The following METTL25 variants were observed in gnomAD, a reference collection of about 807,000 sequenced individuals.
METTL25 encodes methyltransferase like 25.
METTL25 carries 64 observed loss-of-function variants against 71.6 expected under a neutral mutation model. The observed-to-expected ratio is 0.89, with a 90% confidence interval of 0.73 to 1.10. The LOEUF (loss-of-function observed/expected upper bound fraction) is 1.10, where lower values mean the gene tolerates loss of function less well. Among genes scored for constraint, METTL25 ranks in the 50% least tolerant of loss-of-function variants. METTL25 has a pLI of 0.00. For synonymous variants in METTL25, 287 were observed against 250.3 expected (o/e 1.15, Z -1.38); for missense variants, 807 against 707.0 (o/e 1.14, Z -1.60).
intron 3 of METTL25, among the ~76,000 whole-genome samples, chr12:82,398,211 ATTTTAATTG>A (rs1179415795): frequency 4.7e-5 from 7 of 149,510 alleles, no homozygotes; most frequent in Non-Finnish European, 8.9e-5. Context: ...TTTTTATTCT[ATTTTAATTG>A]TTTTAAAATT....
intron 5 of METTL25, among the ~76,000 whole-genome samples, chr12:82,414,163 G>C (rs1443783677): frequency 6.6e-6 from 1 of 152,024 alleles, no homozygotes; most frequent in East Asian, 1.9e-4. Flanking sequence ...TGCCAGCCTT[G>C]TAGATTCAGC....
rs968362547 is a variant in METTL25 at position 82,402,984 on chromosome 12, A to T, written c.1133A>T (p.Asp378Val). 1.3e-6 allele frequency: 2 copies of T among 1,583,844 alleles called. No homozygotes were observed. Among genetic ancestry groups the T allele is most frequent in the Non-Finnish European group, 1.7e-6 (2 of 1,169,822 alleles). The change falls in exon 5 of 12, where the codon GAT becomes GTT. Residue 378 changes from aspartate (D) to valine (V), a missense_variant and splice_region_variant. Transcript: ENST00000248306. ...TATTTTTCTTCTTGTATTTTAAAGGATTGTTTGATGGTGGGTCTCCACACT... is the reference window on the plus strand; with the variant it reads ...TATTTTTCTTCTTGTATTTTAAAGGTTTGTTTGATGGTGGGTCTCCACACT... ...ELHDIIKDLEDCLMVGLHTCG... is the reference protein window; with the variant it reads ...ELHDIIKDLEVCLMVGLHTCG...
intron 5 of METTL25, among the ~76,000 whole-genome samples, chr12:82,409,620 CT>C (rs1887394192): frequency 6.6e-6 from 1 of 152,078 alleles, no homozygotes; most frequent in African/African-American, 2.4e-5. Context: ...AAATTTGTGA[CT>C]GATCTGCTCC....
chr12:82,461,722 A>G (rs1414368029), intron 9 of METTL25, among the ~76,000 whole-genome samples: 1 of 151,250 alleles, frequency 6.6e-6, no homozygotes, highest in East Asian at 1.9e-4. Context: ...AAAAAAAATC[A>G]AGGAATGATG....
In METTL25 at chr12:82,358,667, C is replaced by T; in HGVS notation, c.102C>T (p.Ser34=). 1.9e-6 allele frequency: 3 copies of T among 1,614,166 alleles called. No homozygotes were observed. The highest frequency in any genetic ancestry group is 1.3e-5 in the African/African-American group (1 of 75,054). Residue 34 remains serine (S), a synonymous_variant, in exon 1 of 12, where the codon TCC becomes TCT. Coordinates refer to ENST00000248306, the MANE Select transcript of METTL25 (RefSeq NM_032230.3). ...LQFLRDALSI[S]NAHTVDFYTE... is the part of the protein sequence containing the mutation. ...TCCTGAGGGATGCCCTGTCCATTTC[C>T]AATGCACATACCGTGGATTTCTACA...
chr12:82,476,872 G>C (rs1892910008), intron 10 of METTL25, among the ~76,000 whole-genome samples, 154 bp downstream of exon 10: 1 of 151,778 alleles, frequency 6.6e-6, no homozygotes, highest in Non-Finnish European at 1.5e-5. Context: ...ACTATATTAG[G>C]TGTCAGTAAT....
chr12:82,430,054 TTTTTA>T (rs1356290685), intron 5 of METTL25, among the ~76,000 whole-genome samples: 1 of 150,876 alleles, frequency 6.6e-6, no homozygotes, highest in African/African-American at 2.4e-5. Flanking sequence ...CACCTTTTTG[TTTTTA>T]TTTTATTTTA....
At chr12:82,418,744 G>C (rs964488382) in intron 5 of METTL25, among the ~76,000 whole-genome samples, 4 of 152,026 alleles carry the variant, frequency 2.6e-5, no homozygotes, top group Admixed American at 1.3e-4. Context: ...AGCTGCAGTT[G>C]ACCACCATTT....
chr12:82,366,575 A>T (rs774712617), intron 1 of METTL25, among the ~76,000 whole-genome samples: 80 of 127,518 alleles, frequency 6.3e-4, no homozygotes, highest in South Asian at 1.5e-3. Flanking sequence ...GCTTGTCTTT[A>T]TTTTTTTTTT....
At chr12:82,370,526 G>A (rs555816134) in intron 1 of METTL25, among the ~76,000 whole-genome samples, 1 of 152,180 alleles carries the variant, frequency 6.6e-6, no homozygotes, top group African/African-American at 2.4e-5. Flanking sequence ...CTAAGAAAGT[G>A]CAGAGTCCTC....
At chr12:82,440,728 A>G (rs1890254831) in intron 8 of METTL25, among the ~76,000 whole-genome samples, 1 of 152,086 alleles carries the variant, frequency 6.6e-6, no homozygotes, top group Non-Finnish European at 1.5e-5. Context: ...TCAATAACAT[A>G]CTAAATAATT....
intron 5 of METTL25, among the ~76,000 whole-genome samples, chr12:82,409,054 T>G (rs1324259698): frequency 6.6e-6 from 1 of 152,258 alleles, no homozygotes; most frequent in African/African-American, 2.4e-5. Flanking sequence ...AATTCTGGTA[T>G]GTACATTGCT....
At chr12:82,476,318 A>G (rs766917841) in intron 9 of METTL25, 21 of 205,804 alleles carry the variant, frequency 1.0e-4, no homozygotes, top group Non-Finnish European at 1.6e-4. Flanking sequence ...ATTTTAGTCA[A>G]AAAATGTTTG....
intron 9 of METTL25, among the ~76,000 whole-genome samples, chr12:82,469,428 C>T (rs1199192679): frequency 6.6e-6 from 1 of 152,048 alleles, no homozygotes; most frequent in Non-Finnish European, 1.5e-5. Context: ...TCCTTCTTCA[C>T]ACCCCAATAG....
chr12:82,372,199 T>C (rs1010703720), intron 1 of METTL25, among the ~76,000 whole-genome samples: 11 of 152,216 alleles, frequency 7.2e-5, no homozygotes, highest in Non-Finnish European at 1.5e-4. Flanking sequence ...ATCTGAATGC[T>C]TCCCCAGGTC....
At chr12:82,398,169 ATCCT>A (rs896477560) in intron 3 of METTL25, among the ~76,000 whole-genome samples, 11 of 151,372 alleles carry the variant, frequency 7.3e-5, no homozygotes, top group African/African-American at 2.4e-4. Flanking sequence ...GGTTTTGTAC[ATCCT>A]TCATTAAATT....
At chr12:82,442,197 A>G (rs78039604) in intron 8 of METTL25, among the ~76,000 whole-genome samples, 1 of 152,060 alleles carries the variant, frequency 6.6e-6, no homozygotes, top group Non-Finnish European at 1.5e-5. Context: ...TGGAGATCAC[A>G]TGGGAATCTG....
intron 1 of METTL25, 182 bp downstream of exon 1, chr12:82,359,006 C>G (rs997050709): frequency 9.2e-5 from 60 of 653,452 alleles, no homozygotes; most frequent in Middle Eastern, 4.1e-4. Context: ...TCTTTGGAAT[C>G]AGGATCACTC....
At chr12:82,378,072 TTAAC>T (rs1239407672) in intron 1 of METTL25, among the ~76,000 whole-genome samples, 22 of 152,328 alleles carry the variant, frequency 1.4e-4, no homozygotes, top group African/African-American at 4.6e-4. Flanking sequence ...AAACATTTAT[TTAAC>T]TAATTTTTAT....
Sources: allele counts gnomAD v4.1 joint callset (sites outside exome capture counted in the v4.1 genomes callset), GRCh38; gene constraint gnomAD v4.1.1; transcripts MANE v1.5; gene names NCBI Gene and HGNC (gene_info 2026-07-23, HGNC 2026-07-21).